Variants in LRMDA observed in about 807,000 individuals in gnomAD.
LRMDA encodes the protein leucine rich melanocyte differentiation associated, also known as leucine-rich melanocyte differentiation-associated protein.
LRMDA carries 18 observed loss-of-function variants against 29.8 expected under a neutral mutation model. The ratio of observed to expected loss-of-function variants is 0.60; its 90% CI spans 0.42 to 0.90. The LOEUF is 0.90. LRMDA is among the 40% of genes least tolerant of loss of function. The probability of loss-of-function intolerance (pLI) is 0.00; values close to 1 mark genes in which losing one functional copy is unlikely to be tolerated. For missense variants in LRMDA, 273 were observed against 273.9 expected (o/e 1.00, Z 0.02); for synonymous variants, 125 against 109.4 (o/e 1.14, Z -0.89).
intron 6 of LRMDA, among the ~76,000 whole-genome samples, chr10:76,428,983 GA>G (rs1015821888): frequency 6.6e-6 from 1 of 151,466 alleles, no homozygotes; most frequent in African/African-American, 2.4e-5. Flanking sequence ...GAAGTGGACT[GA>G]AACCTTGCTG....
intron 5 of LRMDA, among the ~76,000 whole-genome samples, chr10:76,097,050 G>C (rs777081858): frequency 6.6e-6 from 1 of 150,648 alleles, no homozygotes; most frequent in East Asian, 2.0e-4. Flanking sequence ...TTGCTCTGTC[G>C]GCCAGGCTGG....
intron 6 of LRMDA, among the ~76,000 whole-genome samples, chr10:76,515,213 G>T (rs1843047967): frequency 6.6e-6 from 1 of 152,056 alleles, no homozygotes; most frequent in African/African-American, 2.4e-5. Context: ...CTAAAATGTG[G>T]GAGTATGTGG....
intron 2 of LRMDA, among the ~76,000 whole-genome samples, chr10:75,970,038 G>A (rs1360172475): frequency 2.0e-5 from 3 of 152,204 alleles, no homozygotes; most frequent in Non-Finnish European, 4.4e-5. Flanking sequence ...CATGTGGCTG[G>A]TTTGACCTTT....
At chr10:76,331,225 C>T (rs1350419984) in intron 6 of LRMDA, among the ~76,000 whole-genome samples, 3 of 152,126 alleles carry the variant, frequency 2.0e-5, no homozygotes, top group East Asian at 1.9e-4. Context: ...GAGTGGAGAT[C>T]GTGCCACTGC....
intron 2 of LRMDA, among the ~76,000 whole-genome samples, chr10:75,780,793 G>A (rs1843372563): frequency 6.6e-6 from 1 of 152,144 alleles, no homozygotes; most frequent in African/African-American, 2.4e-5. Flanking sequence ...TGTCAGGATA[G>A]TTTTGCTCAT....
chr10:75,725,259 C>T (rs1273034867), intron 2 of LRMDA, among the ~76,000 whole-genome samples: 6 of 152,190 alleles, frequency 3.9e-5, no homozygotes, highest in Non-Finnish European at 4.4e-5. Flanking sequence ...AAAATTATTC[C>T]TGTAATCCAC....
At chr10:76,007,303 T>C (rs992711558) in intron 2 of LRMDA, among the ~76,000 whole-genome samples, 2 of 150,024 alleles carry the variant, frequency 1.3e-5, no homozygotes, top group African/African-American at 4.9e-5. Flanking sequence ...CTCCTCTTGC[T>C]CCCCCTCTGA....
chr10:76,244,169 A>G (rs1326171759), intron 5 of LRMDA, among the ~76,000 whole-genome samples: 1 of 152,194 alleles, frequency 6.6e-6, no homozygotes, highest in Non-Finnish European at 1.5e-5. Context: ...CTTAATCTTT[A>G]CAAACCTCAG....
intron 2 of LRMDA, among the ~76,000 whole-genome samples, chr10:75,959,130 C>G (rs1263440765): frequency 1.2e-4 from 19 of 152,156 alleles, no homozygotes; most frequent in Non-Finnish European, 2.9e-5. Flanking sequence ...AGTGGCAGAT[C>G]TGAGAAATCA....
chr10:75,790,474 A>G (rs1016646650), intron 2 of LRMDA, among the ~76,000 whole-genome samples: 4 of 152,224 alleles, frequency 2.6e-5, no homozygotes, highest in Non-Finnish European at 5.9e-5. Context: ...CCAAGAAGCT[A>G]AGAACATGAC....
In LRMDA at chr10:76,278,977, G is replaced by A. The variant is rs541303586; in HGVS notation, c.517-45424G>A. Among the ~76,000 whole-genome samples, 7 of 152,226 alleles carry A rather than the reference G, an allele frequency of 4.6e-5. No homozygotes were observed. In the East Asian group the frequency reaches 9.7e-4, roughly 21 times the overall value. ...TAGAACAAGTTTGTTTTTCTTATGT[G>A]GATATGCTTTTCATATCCACATTTA... is the stretch of plus-strand genomic sequence containing the variant. On this transcript the variant is annotated intron_variant, in intron 5 of 6. Coordinates refer to ENST00000611255, the MANE Select transcript of LRMDA (RefSeq NM_001305581.2).
chr10:75,985,949 A>G (rs1416781577), intron 2 of LRMDA, among the ~76,000 whole-genome samples: 1 of 152,262 alleles, frequency 6.6e-6, no homozygotes, highest in East Asian at 1.9e-4. Flanking sequence ...TGATAAAGCC[A>G]ACATGGTAGA....
chr10:76,050,913 TC>T (rs1266549217), intron 4 of LRMDA, among the ~76,000 whole-genome samples: 1 of 152,206 alleles, frequency 6.6e-6, no homozygotes, highest in African/African-American at 2.4e-5. Context: ...TTTTAGCTCT[TC>T]CTCTGTCACT....
intron 2 of LRMDA, among the ~76,000 whole-genome samples, chr10:75,819,857 A>C (rs971048231): frequency 6.6e-6 from 1 of 152,218 alleles, no homozygotes; most frequent in Non-Finnish European, 1.5e-5. Flanking sequence ...AGCACTTGAA[A>C]ATATGGCAAA....
chr10:75,624,188 C>T (rs1841222098), intron 2 of LRMDA, among the ~76,000 whole-genome samples: 1 of 152,116 alleles, frequency 6.6e-6, no homozygotes, highest in Non-Finnish European at 1.5e-5. Context: ...TCTGTTTCTT[C>T]TCTCTTTCTG....
chr10:75,929,825 G>A (rs1239170260), intron 2 of LRMDA, among the ~76,000 whole-genome samples: 1 of 152,194 alleles, frequency 6.6e-6, no homozygotes, highest in African/African-American at 2.4e-5. Context: ...AATGTCGTCA[G>A]GAGTTTGTTC....
At chr10:76,547,992 A>G (rs1235870114) in intron 6 of LRMDA, among the ~76,000 whole-genome samples, 2 of 152,196 alleles carry the variant, frequency 1.3e-5, no homozygotes, top group Non-Finnish European at 2.9e-5. Context: ...CTGCTAAGTA[A>G]GGGTGTGGGT....
In LRMDA at chr10:75,745,792, C is replaced by T. The variant is rs150142816; in HGVS notation, c.132-290216C>T. On this transcript the variant is annotated intron_variant, in intron 2 of 6. Transcript: ENST00000611255. ...GTTATCATGTCTCCTTCGTTTCTGC[C>T]GGTCTGTGACAATTCAGCTTTTCTT... 3.7e-3 allele frequency among the ~76,000 whole-genome samples: 564 copies of T among 152,280 alleles called. 2 individuals are homozygous for T. Among genetic ancestry groups the T allele is most frequent in the African/African-American group, 0.013 (522 of 41,536 alleles).
At chr10:76,184,476 C>G (rs11001674) in intron 5 of LRMDA, among the ~76,000 whole-genome samples, 19,934 of 152,230 alleles carry the variant, frequency 0.13, 2,142 homozygotes, top group African/African-American at 0.29. Context: ...GTGTCCGACA[C>G]AGCAGTTGCT....
Sources: gnomAD v4.1 joint callset for allele counts (sites outside exome capture counted in the v4.1 genomes callset) on GRCh38, gnomAD v4.1.1 for gene constraint, MANE v1.5 for transcripts, NCBI Gene and HGNC (gene_info 2026-07-23, HGNC 2026-07-21) for gene names.